MYO7B: variants seen among roughly 807,000 people sequenced by gnomAD.
The protein encoded by MYO7B is unconventional myosin-VIIb.
A neutral mutation model predicts 259.7 loss-of-function variants in MYO7B; 212 were observed. The ratio of observed to expected loss-of-function variants is 0.82; its 90% CI spans 0.73 to 0.91. The LOEUF (loss-of-function observed/expected upper bound fraction) is 0.91, where lower values mean the gene tolerates loss of function less well. Ranked by LOEUF, MYO7B falls within the 40% of genes least tolerant of loss-of-function variation. MYO7B has a pLI of 0.00. For synonymous variants in MYO7B, 1,197 were observed against 1,166.4 expected, an observed-to-expected ratio of 1.03 and a Z score of -0.54; for missense variants, 2,732 against 2,813.5, an observed-to-expected ratio of 0.97 and a Z score of 0.66.
chr2:127,606,656 C>T (rs1212009253), intron 20 of MYO7B, among the ~76,000 whole-genome samples: 1 of 152,272 alleles, frequency 6.6e-6, no homozygotes, highest in Non-Finnish European at 1.5e-5. Flanking sequence ...GGGGCTGTGA[C>T]TTCCAAGCTC....
At chr2:127,541,139 C>G (rs1692990046) in intron 1 of MYO7B, among the ~76,000 whole-genome samples, 1 of 151,912 alleles carries the variant, frequency 6.6e-6, no homozygotes, top group Non-Finnish European at 1.5e-5. Flanking sequence ...GGGCTGTCTC[C>G]ACAGTGAAGG....
rs1254317946 is a variant in MYO7B, at chr2:127,635,826, G to C, written c.5925G>C (p.Gln1975His). ...CCCAGTTCAACAACGACCGGTCCCA[G>C]CTGGCTAGTGTCCCCAAGATCCTGA... ...YKAQFNNDRS[Q>H]LASVPKILRE... The change falls in exon 44 of 48, where the codon CAG becomes CAC. Residue 1975 changes from glutamine (Q) to histidine (H), a missense_variant. Gln to His is a conservative substitution (Grantham distance 24, BLOSUM62 0). Around this residue, in one of 3 missense-constraint regions of MYO7B, gnomAD observed 821 missense variants for 769.3 expected, o/e 1.07. Transcript: ENST00000409816. The C allele has an allele frequency of 1.3e-6, 2 of 1,586,228 alleles. No individual in the cohort carries two copies. The highest frequency in any genetic ancestry group is 1.7e-6 in the Non-Finnish European group (2 of 1,166,714).
chr2:127,583,678 T>C (rs946664720), intron 12 of MYO7B, among the ~76,000 whole-genome samples: 1 of 152,136 alleles, frequency 6.6e-6, no homozygotes, highest in Admixed American at 6.5e-5. Context: ...ACAGGGGCAG[T>C]AGGGCGTATG....
chr2:127,584,736 G>A lies in MYO7B; in HGVS notation c.1555-42G>A, dbSNP rs1454220251. 2.5e-6 allele frequency: 4 copies of A among 1,609,362 alleles called. No homozygotes were observed. Among genetic ancestry groups the A allele is most frequent in the Non-Finnish European group, 3.4e-6 (4 of 1,177,424 alleles). On this transcript the variant is annotated intron_variant, in intron 13 of 47. Coordinates refer to ENST00000409816, the MANE Select transcript of MYO7B (RefSeq NM_001393586.1). The surrounding 1 kb of genome is among the most constrained non-coding windows in gnomAD (Gnocchi z 5.8). ...CCTGAGCCTCACCTCCCCATGGCTG[G>A]ACTCTGGGACCTCAGCCCACAGGGT...
chr2:127,607,049 TCTTGTGTTC>T lies in MYO7B; in HGVS notation c.2425-156_2425-148del, dbSNP rs1680178800. ...TACTTTGTAAGCAATAACTCACTATTCTTGTGTTCATAGGTGTGTACCATTCTAGCACCG... is the reference window on the plus strand; with the variant it reads ...TACTTTGTAAGCAATAACTCACTATTATAGGTGTGTACCATTCTAGCACCG... On this transcript the variant is annotated intron_variant, in intron 20 of 47. Transcript: ENST00000409816. The surrounding 1 kb of genome is among the most constrained non-coding windows in gnomAD (Gnocchi z 4.4). Among the ~76,000 whole-genome samples the T allele has an allele frequency of 1.3e-5, 2 of 152,290 alleles. No individual in the cohort carries two copies.
At chr2:127,573,797 G>C in intron 6 of MYO7B, 123 bp from the exon 7 acceptor site, 1 of 1,294,820 alleles carries the variant, frequency 7.7e-7, no homozygotes, top group Non-Finnish European at 1.1e-6. Flanking sequence ...GTCTGGTGCA[G>C]CCGTGCCCAT....
At position 127,635,181 on chromosome 2, in the gene MYO7B, T is replaced by C. The variant is rs1356632515; in HGVS notation, c.5775T>C (p.Ser1925=). Residue 1925 remains serine (S), a synonymous_variant, in exon 43 of 48, where the codon TCT becomes TCC. Transcript: ENST00000409816. Reference sequence around the variant, plus strand: ...TGCGGAAATTGTGGCTCAACATATCTCCAGGGAAGGATGTGAATGCAGACA... The same window carrying C: ...TGCGGAAATTGTGGCTCAACATATCCCCAGGGAAGGATGTGAATGCAGACA... ...YFMRKLWLNI[S]PGKDVNADTI... 8 of 1,613,540 alleles carry C rather than the reference T, an allele frequency of 5.0e-6. No individual in the cohort carries two copies. In the South Asian group the frequency reaches 7.7e-5, roughly 16 times the overall value.
At chr2:127,637,011 G>T (rs1330223421) in intron 47 of MYO7B, 98 bp downstream of exon 47, 3 of 1,549,512 alleles carry the variant, frequency 1.9e-6, no homozygotes, top group Non-Finnish European at 1.7e-6. Flanking sequence ...TCACTAAGAG[G>T]GCTCAGTCAC....
rs916371358 is a variant in MYO7B at position 127,592,834 on chromosome 2, C to T, written c.2033C>T (p.Ser678Leu). ...CTGTGCCTGCGGCAGCTGCGATACTCGGGCATGATGGAGACCGTGCACATC... is the reference window on the plus strand; with the variant it reads ...CTGTGCCTGCGGCAGCTGCGATACTTGGGCATGATGGAGACCGTGCACATC... Reference protein sequence around the residue: ...RELCLRQLRYSGMMETVHIRK... With the variant: ...RELCLRQLRYLGMMETVHIRK... The change falls in exon 17 of 48, where the codon TCG becomes TTG. Residue 678 changes from serine (S) to leucine (L), a missense_variant. By Grantham distance (145) the Ser-to-Leu change is moderately radical. Coordinates refer to ENST00000409816, the MANE Select transcript of MYO7B (RefSeq NM_001393586.1). The T allele has an allele frequency of 1.2e-6, 2 of 1,610,212 alleles. No individual in the cohort carries two copies. Among genetic ancestry groups the T allele is most frequent in the Non-Finnish European group, 1.7e-6 (2 of 1,178,966 alleles).
chr2:127,632,591 A>G (rs1216007897), intron 39 of MYO7B, among the ~76,000 whole-genome samples, 190 bp downstream of exon 39: 1 of 152,146 alleles, frequency 6.6e-6, no homozygotes, highest in African/African-American at 2.4e-5. Flanking sequence ...CAGGAGGGTC[A>G]AGAGAAGGCT....
rs562513592 is a variant in MYO7B at position 127,557,802 on chromosome 2, T to A, written c.-23-1898T>A. Among the ~76,000 whole-genome samples the A allele has an allele frequency of 6.6e-5, 10 of 151,700 alleles. No homozygotes were observed. The South Asian group carries it at 2.1e-3, about 32-fold the overall frequency. On this transcript the variant is annotated intron_variant, in intron 1 of 47. Transcript: ENST00000409816. Reference sequence around the variant, plus strand: ...AATTGAAAAGCCACATGTAGGAGAGTGAAACTGAATCCTCATCTCTCACCT... The same window carrying A: ...AATTGAAAAGCCACATGTAGGAGAGAGAAACTGAATCCTCATCTCTCACCT...
chr2:127,631,253 G>A lies in MYO7B; in HGVS notation c.4985G>A (p.Arg1662His), dbSNP rs780168472. The A allele has an allele frequency of 1.2e-5, 20 of 1,610,712 alleles. No individual in the cohort carries two copies. The highest frequency in any genetic ancestry group is 1.6e-4 in the Middle Eastern group (1 of 6,074). The change falls in exon 37 of 48, where the codon CGT (arginine) becomes CAT (histidine). Residue 1662 changes from arginine to histidine, a missense_variant. Physicochemically the swap from Arg to His is conservative, Grantham distance 29. Coordinates refer to ENST00000409816, the MANE Select transcript of MYO7B (RefSeq NM_001393586.1). ...AGCATGGCCGTGCTGCCCCTGGCCCGTGCCCGTGGCCACCTGTGGGCCTAT... is the reference window on the plus strand; with the variant it reads ...AGCATGGCCGTGCTGCCCCTGGCCCATGCCCGTGGCCACCTGTGGGCCTAT... ...MVSMAVLPLARARGHLWAYSC... is the reference protein window; with the variant it reads ...MVSMAVLPLAHARGHLWAYSC...
Position 127,632,233 on chromosome 2 carries a change from T to A in MYO7B, c.5250-13T>A, listed in dbSNP as rs575243587. The stretch of plus-strand genomic sequence containing the variant: ...TGAGGGGCCTTTCCCGGCTGACAAG[T>A]GCTACCCTTCAGGCACAGCGAAGAG... On this transcript the variant is annotated splice_polypyrimidine_tract_variant and intron_variant, in intron 38 of 47. Transcript: ENST00000409816. The A allele has an allele frequency of 6.2e-7, 1 of 1,610,532 alleles. No homozygotes were observed. The highest frequency in any genetic ancestry group is 2.2e-5 in the East Asian group (1 of 44,824).
rs530755807 is a variant in MYO7B, at chr2:127,609,417, C to T, written c.2815-89C>T. 3.1e-4 allele frequency: 380 copies of T among 1,232,394 alleles called. 3 individuals carry two copies. Among genetic ancestry groups the T allele is most frequent in the Middle Eastern group, 1.7e-3 (9 of 5,262 alleles). The allele number at this position is 1,232,394 out of a possible 1,614,324, so 76.3% of individuals were successfully genotyped here. ...GGGATCAGGGTAATGCAACAGCCCC[C>T]GTGCTGCCCGGCCTGCTGGACAGTC... On this transcript the variant is annotated intron_variant, in intron 22 of 47. Transcript: ENST00000409816. This position sits in a 1 kb window ranked among gnomAD's most constrained non-coding sequence, Gnocchi z 6.9.
At chr2:127,617,604 G>A (rs1290347561) in intron 26 of MYO7B, among the ~76,000 whole-genome samples, 3 of 140,332 alleles carry the variant, frequency 2.1e-5, no homozygotes, top group Admixed American at 1.5e-4. Context: ...CCAGGTTCAC[G>A]CCATTCTCCT....
chr2:127,566,886 C>A, intron 5 of MYO7B, 59 bp downstream of exon 5: 1 of 1,539,286 alleles, frequency 6.5e-7, no homozygotes, highest in Non-Finnish European at 8.8e-7. Flanking sequence ...TCCCCACCAG[C>A]ATGCCTGCAA....
chr2:127,604,156 GT>G (rs1180745994), intron 19 of MYO7B, among the ~76,000 whole-genome samples: 1 of 152,200 alleles, frequency 6.6e-6, no homozygotes, highest in Admixed American at 6.5e-5. Context: ...AAAATCTGTT[GT>G]TGAGTGTAGC....
rs531609798 is a variant in MYO7B at position 127,628,287 on chromosome 2, C to A, written c.4461-85C>A. On this transcript the variant is annotated intron_variant, in intron 33 of 47. Coordinates refer to ENST00000409816, the MANE Select transcript of MYO7B (RefSeq NM_001393586.1). This position sits in a 1 kb window ranked among gnomAD's most constrained non-coding sequence, Gnocchi z 4.8. ...GTGTCCTCATCTGTGACTCAGGACCCCCAACCCCACCTCCCGAGGCTGTTT... is the reference window on the plus strand; with the variant it reads ...GTGTCCTCATCTGTGACTCAGGACCACCAACCCCACCTCCCGAGGCTGTTT... 48 of 1,513,098 alleles carry A rather than the reference C, an allele frequency of 3.2e-5. No individual in the cohort carries two copies. The East Asian group carries it at 1.2e-3, about 36-fold the overall frequency. The allele number at this position is 1,513,098 out of a possible 1,614,324, so 93.7% of individuals were successfully genotyped here. A position where few individuals can be genotyped will look rare whatever the true frequency, so the allele number is the denominator to read the frequency against.
intron 21 of MYO7B, 33 bp from the exon 22 acceptor site, chr2:127,608,675 C>A (rs752333340): frequency 1.3e-6 from 2 of 1,592,164 alleles, no homozygotes; most frequent in Middle Eastern, 1.9e-4. Flanking sequence ...CCCTGCTGGG[C>A]CCCTGGGTAA....
Sources: gnomAD v4.1 joint callset for allele counts (sites outside exome capture counted in the v4.1 genomes callset) on GRCh38, gnomAD v4.1.1 for gene constraint, gnomAD v4.1.1 regional missense constraint, Gnocchi (gnomAD v3.1) non-coding constraint, MANE v1.5 for transcripts, NCBI Gene and HGNC (gene_info 2026-07-23, HGNC 2026-07-21) for gene names.